The following PARP4 variants were observed in gnomAD, a reference collection of about 807,000 sequenced individuals.
PARP4 encodes the protein poly(ADP-ribose) polymerase family member 4, also known as protein mono-ADP-ribosyltransferase PARP4.
Under a neutral mutation model 187.7 loss-of-function variants are expected in PARP4, and 120 were observed. That is an observed-to-expected ratio of 0.64 (90% CI 0.55 to 0.74). The LOEUF is 0.74. PARP4 is among the 30% of genes least tolerant of loss of function. The probability of loss-of-function intolerance (pLI) is 0.00; values close to 1 mark genes in which losing one functional copy is unlikely to be tolerated. For synonymous variants in PARP4, 654 were observed against 740.9 expected (o/e 0.88, Z 1.90); for missense variants, 1,836 against 2,070.5 (o/e 0.89, Z 2.20).
intron 6 of PARP4, 130 bp from the exon 7 acceptor site, chr13:24,494,852 A>G (rs1868856669): frequency 3.4e-6 from 2 of 589,318 alleles, no homozygotes; most frequent in South Asian, 5.2e-5. Context: ...AATTACTTAA[A>G]TTTTAAATTC....
At chr13:24,498,932 G>C (rs1157956312) in intron 5 of PARP4, among the ~76,000 whole-genome samples, 1 of 151,980 alleles carries the variant, frequency 6.6e-6, no homozygotes, top group African/African-American at 2.4e-5. Flanking sequence ...TTTGCTATGA[G>C]CATGCATTAC....
intron 22 of PARP4, among the ~76,000 whole-genome samples, chr13:24,454,179 A>C (rs1192929460): frequency 1.3e-5 from 2 of 152,230 alleles, no homozygotes; most frequent in Non-Finnish European, 2.9e-5. Context: ...TTTACTATGC[A>C]AAATGTTGAG....
chr13:24,450,642 G>A (rs1200452342), intron 24 of PARP4, among the ~76,000 whole-genome samples: 1 of 152,184 alleles, frequency 6.6e-6, no homozygotes, highest in Admixed American at 6.5e-5. Context: ...ACGCCAAGGA[G>A]GAGGGCTGAT....
chr13:24,434,976 G>A lies in PARP4; in HGVS notation c.4165C>T (p.Gln1389Ter), dbSNP rs1870543528. Reference protein sequence around the residue: ...QSASCPTGPPQNPPSSPYCGI... With the variant: ...QSASCPTGPP ...CAATAGGGTGAAGAAGGTGGGTTCT[G>A]GGGAGGTCCTGTGGGACAAGACGCC... Residue 1389 changes from glutamine to a stop codon, truncating the protein, a stop_gained, in exon 31 of 34, where the codon CAG becomes TAG. Transcript: ENST00000381989. LOFTEE classifies it high-confidence loss of function. 6.2e-7 allele frequency: 1 copy of A among 1,613,544 alleles called. No individual in the cohort carries two copies. Among genetic ancestry groups the A allele is most frequent in the East Asian group, 2.2e-5 (1 of 44,886 alleles).
chr13:24,455,480 AATATATATATATAT>A (rs57015283), intron 21 of PARP4, among the ~76,000 whole-genome samples: 8 of 108,400 alleles, frequency 7.4e-5, no homozygotes, highest in Admixed American at 1.0e-4. Flanking sequence ...TTATGGAACA[AATATATATATATAT>A]ATATATATAT....
Position 24,492,576 on chromosome 13 carries a change from T to A in PARP4, c.898A>T (p.Ile300Phe), listed in dbSNP as rs139615320. 7 of 1,613,842 alleles carry A rather than the reference T, an allele frequency of 4.3e-6. No homozygotes were observed. Among genetic ancestry groups the A allele is most frequent in the Non-Finnish European group, 5.1e-6 (6 of 1,179,882 alleles). Residue 300 changes from isoleucine (I) to phenylalanine (F), a missense_variant, in exon 9 of 34, where the codon ATT (isoleucine) becomes TTT (phenylalanine). Physicochemically the swap from Ile to Phe is conservative, Grantham distance 21. This residue lies in a region of PARP4 where 1,147 missense variants were observed against 1,214.2 expected (regional missense o/e 0.94). Transcript: ENST00000381989. ...SLNDVSKAEG[I>F]LLLVKAALKN... ...AGTGCTGCCTTTACTAGAAGGAGAA[T>A]CCCCTCTGCCTTGCTCACCTTTCAA...
chr13:24,444,228 T>C (rs1871093784), intron 27 of PARP4, among the ~76,000 whole-genome samples: 1 of 152,212 alleles, frequency 6.6e-6, no homozygotes, highest in Non-Finnish European at 1.5e-5. Flanking sequence ...TAATTTGTCA[T>C]TGATAAGGCT....
chr13:24,438,556 G>A (rs993160264), intron 30 of PARP4, among the ~76,000 whole-genome samples: 5 of 152,194 alleles, frequency 3.3e-5, no homozygotes. Context: ...TAGGAGGTAT[G>A]TTTTAAAAAT....
intron 21 of PARP4, among the ~76,000 whole-genome samples, 167 bp downstream of exon 21, chr13:24,456,174 T>C (rs1871838227): frequency 6.6e-6 from 1 of 152,244 alleles, no homozygotes; most frequent in African/African-American, 2.4e-5. Flanking sequence ...GTCAGAAGTT[T>C]GGCATGCTTG....
chr13:24,449,916 C>T lies in PARP4; in HGVS notation c.3015-99G>A, dbSNP rs528597127. 1.7e-5 allele frequency: 11 copies of T among 647,974 alleles called. 1 individual carries two copies. In the South Asian group the frequency reaches 1.9e-4, roughly 11 times the overall value. 40.1% of individuals were successfully genotyped at this position (647,974 alleles called of 1,614,324 possible). Reference sequence around the variant, plus strand: ...AAAGCTCACAACTCAATAGGAGAGACATGACGTGGGGAAGAATGTACTCGT... The same window carrying T: ...AAAGCTCACAACTCAATAGGAGAGATATGACGTGGGGAAGAATGTACTCGT... On this transcript the variant is annotated intron_variant, in intron 24 of 33. Transcript: ENST00000381989.
intron 10 of PARP4, among the ~76,000 whole-genome samples, chr13:24,487,482 G>A (rs532554947): frequency 1.7e-5 from 2 of 115,786 alleles, no homozygotes; most frequent in South Asian, 2.8e-4. Flanking sequence ...AACAGGATCT[G>A]GATTAAAGAT....
chr13:24,454,117 C>A (rs1332370388), intron 22 of PARP4, among the ~76,000 whole-genome samples: 1 of 151,220 alleles, frequency 6.6e-6, no homozygotes. Context: ...AAAAAAAATT[C>A]ACCACACTAT....
At chr13:24,421,986 T>C (rs3978795) in intron 33 of PARP4, among the ~76,000 whole-genome samples, 13 of 152,140 alleles carry the variant, frequency 8.5e-5, no homozygotes, top group African/African-American at 2.7e-4. Context: ...GGGCAACATA[T>C]ACCAAAGTTC....
intron 1 of PARP4, among the ~76,000 whole-genome samples, chr13:24,509,143 G>A (rs1165114834): frequency 6.6e-6 from 1 of 152,098 alleles, no homozygotes; most frequent in Non-Finnish European, 1.5e-5. Context: ...AAAATAAAAA[G>A]CACCTAAAAT....
At chr13:24,439,526 C>T (rs1870809667) in intron 30 of PARP4, among the ~76,000 whole-genome samples, 1 of 151,866 alleles carries the variant, frequency 6.6e-6, no homozygotes, top group Non-Finnish European at 1.5e-5. Context: ...GGGCGTATCT[C>T]TTATTTTTGT....
chr13:24,504,227 G>A (rs28569917), intron 1 of PARP4, among the ~76,000 whole-genome samples: 15,001 of 151,156 alleles, frequency 0.099, 829 homozygotes, highest in Non-Finnish European at 0.12. Context: ...AAACTGAACA[G>A]CTGATAATAA....
intron 30 of PARP4, 131 bp downstream of exon 30, chr13:24,441,715 A>G (rs1458624870): frequency 1.3e-6 from 1 of 766,146 alleles, no homozygotes; most frequent in East Asian, 2.6e-5. Flanking sequence ...AAATGCATGA[A>G]TATTTTCCAT....
chr13:24,460,695 A>G (rs1017646840), intron 17 of PARP4, among the ~76,000 whole-genome samples: 3 of 152,108 alleles, frequency 2.0e-5, no homozygotes, highest in Middle Eastern at 3.4e-3. Flanking sequence ...ATTTTTATTT[A>G]TTCATTATTT....
intron 10 of PARP4, among the ~76,000 whole-genome samples, chr13:24,489,805 C>T (rs112299551): frequency 4.1e-4 from 62 of 152,254 alleles, no homozygotes; most frequent in South Asian, 2.1e-4. Context: ...CTCTAAACAA[C>T]AGCAGCAACG....
Sources: gnomAD v4.1 joint callset for allele counts (sites outside exome capture counted in the v4.1 genomes callset) on GRCh38, gnomAD v4.1.1 for gene constraint, gnomAD v4.1.1 regional missense constraint, MANE v1.5 for transcripts, NCBI Gene and HGNC (gene_info 2026-07-23, HGNC 2026-07-21) for gene names.